Variants in RETREG1 observed in about 807,000 individuals in gnomAD.
RETREG1 encodes family with sequence similarity 134 member B.
In RETREG1, 44 loss-of-function variants were observed where a neutral mutation model predicts 54.8. The observed-to-expected ratio is 0.80, with a 90% CI of 0.63 to 1.03. The LOEUF is 1.03. Ranked by LOEUF, RETREG1 falls within the 50% of genes least tolerant of loss-of-function variation. The pLI, the probability that RETREG1 is intolerant of heterozygous loss-of-function variation, is 0.00. For missense variants in RETREG1, 554 were observed against 605.1 expected, an observed-to-expected ratio of 0.92 and a Z score of 0.89; for synonymous variants, 217 against 238.5, an observed-to-expected ratio of 0.91 and a Z score of 0.83.
At chr5:16,573,571 A>C (rs545120106) in intron 1 of RETREG1, among the ~76,000 whole-genome samples, 1 of 152,216 alleles carries the variant, frequency 6.6e-6, no homozygotes, top group Non-Finnish European at 1.5e-5. Flanking sequence ...TTGCTTTCTC[A>C]TCAGACAAAC....
chr5:16,512,731 G>T (rs769218158), intron 3 of RETREG1, among the ~76,000 whole-genome samples: 1 of 152,066 alleles, frequency 6.6e-6, no homozygotes, highest in Non-Finnish European at 1.5e-5. Context: ...GTGAAGACAG[G>T]TTGTCTCTTC....
At chr5:16,616,426 TG>T in intron 1 of RETREG1, 2 of 762,540 alleles carry the variant, frequency 2.6e-6, no homozygotes, top group Non-Finnish European at 3.9e-6. Flanking sequence ...CATCTGAGGC[TG>T]GATCCGCACA....
Position 16,478,092 on chromosome 5 carries a change from T to A in RETREG1, c.815A>T (p.Asp272Val). The A allele has an allele frequency of 6.2e-7, 1 of 1,609,370 alleles. No individual in the cohort carries two copies. Among genetic ancestry groups the A allele is most frequent in the Non-Finnish European group, 8.5e-7 (1 of 1,176,584 alleles). Residue 272 changes from aspartate (D) to valine (V), a missense_variant, in exon 7 of 9, where the codon GAC becomes GTC. Around this residue, in one of 4 missense-constraint regions of RETREG1, gnomAD observed 347 missense variants for 412.3 expected, o/e 0.84. Coordinates refer to ENST00000306320, the MANE Select transcript of RETREG1 (RefSeq NM_001034850.3). ...NQKKRERSEADKEKSHKDDSE... is the reference protein window; with the variant it reads ...NQKKRERSEAVKEKSHKDDSE... Reference sequence around the variant, plus strand: ...GTCATCTTTGTGACTTTTTTCTTTGTCTGCTTCTGTTGAGGAAAAAATTTG... The same window carrying A: ...GTCATCTTTGTGACTTTTTTCTTTGACTGCTTCTGTTGAGGAAAAAATTTG...
chr5:16,490,428 A>G (rs1194410647), intron 3 of RETREG1, among the ~76,000 whole-genome samples: 1 of 152,256 alleles, frequency 6.6e-6, no homozygotes, highest in Non-Finnish European at 1.5e-5. Context: ...TAGAAAGGAA[A>G]GATGCAATTA....
chr5:16,571,912 A>G, intron 2 of RETREG1, 84 bp downstream of exon 2: 1 of 969,962 alleles, frequency 1.0e-6, no homozygotes, highest in South Asian at 1.4e-5. Context: ...CAAAGGACTA[A>G]TTGGCTAATA....
chr5:16,546,910 C>T (rs926843096), intron 3 of RETREG1, among the ~76,000 whole-genome samples: 1 of 152,220 alleles, frequency 6.6e-6, no homozygotes, highest in African/African-American at 2.4e-5. Flanking sequence ...CAAATAGCAA[C>T]AGAATCTCTT....
intron 1 of RETREG1, among the ~76,000 whole-genome samples, chr5:16,599,427 A>G (rs1245103546): frequency 6.6e-6 from 1 of 152,196 alleles, no homozygotes; most frequent in Non-Finnish European, 1.5e-5. Context: ...CTGCACTTGG[A>G]TTGGATAGGA....
rs750575538 is a variant in RETREG1, at chr5:16,475,226, G to A, written c.1009C>T (p.Arg337Ter). Residue 337 changes from arginine (R) to a stop codon, truncating the protein, a stop_gained, in exon 9 of 9, where the codon CGA (arginine) becomes TGA (stop). Transcript: ENST00000306320. LOFTEE classifies it high-confidence loss of function. ...CTAGAGAAAACTTCCTCACTGGGTC[G>A]GTCAAGATCTGTGAAATGGATAACA... ...PQTDTSDDLDRPSEEVFSRDL... is the reference protein window; with the variant it reads ...PQTDTSDDLD 5 of 1,611,756 alleles carry A rather than the reference G, an allele frequency of 3.1e-6. No homozygotes were observed. The highest frequency in any genetic ancestry group is 3.3e-5 in the Admixed American group (2 of 59,886).
intron 3 of RETREG1, chr5:16,508,788 T>G: frequency 6.8e-7 from 1 of 1,475,612 alleles, no homozygotes; most frequent in Non-Finnish European, 9.0e-7. Context: ...ACTCAGAAAG[T>G]TGGTGTTTAC....
At chr5:16,558,367 C>T (rs1216645892) in intron 3 of RETREG1, among the ~76,000 whole-genome samples, 2 of 152,192 alleles carry the variant, frequency 1.3e-5, no homozygotes, top group African/African-American at 4.8e-5. Flanking sequence ...CAAGAAGGCC[C>T]TCAAAGATGC....
At chr5:16,563,080 C>T (rs1010403301) in intron 3 of RETREG1, among the ~76,000 whole-genome samples, 12 of 152,018 alleles carry the variant, frequency 7.9e-5, no homozygotes, top group African/African-American at 9.7e-5. Flanking sequence ...TTAAAAATAA[C>T]GCCTGTGTGA....
Position 16,566,384 on chromosome 5 carries a change from CATAT to C in RETREG1, c.428-595_428-592del, listed in dbSNP as rs56202478. Among the ~76,000 whole-genome samples the C allele has an allele frequency of 1.1e-3, 169 of 151,876 alleles. 1 individual carries two copies. The highest frequency in any genetic ancestry group is 3.8e-3 in the African/African-American group (158 of 41,400). On this transcript the variant is annotated intron_variant, in intron 2 of 8. Transcript: ENST00000306320. ...AAAACATAAAATACACACACACACA[CATAT>C]ATACATATGCACACCTAGATCTAAT...
intron 3 of RETREG1, among the ~76,000 whole-genome samples, chr5:16,521,011 G>A (rs1740518239): frequency 1.3e-5 from 2 of 152,138 alleles, no homozygotes; most frequent in Non-Finnish European, 2.9e-5. Flanking sequence ...CTCACCCAGG[G>A]CCACTGACTT....
At chr5:16,519,568 T>TG (rs981307725) in intron 3 of RETREG1, among the ~76,000 whole-genome samples, 12 of 152,322 alleles carry the variant, frequency 7.9e-5, no homozygotes, top group African/African-American at 2.9e-4. Flanking sequence ...GCTTAGTACA[T>TG]GGAGTGTTTT....
At chr5:16,506,984 T>A (rs1739984071) in intron 3 of RETREG1, among the ~76,000 whole-genome samples, 1 of 152,342 alleles carries the variant, frequency 6.6e-6, no homozygotes, top group African/African-American at 2.4e-5. Context: ...GTTATGTGAA[T>A]GTATAGCTAT....
intron 2 of RETREG1, among the ~76,000 whole-genome samples, chr5:16,570,283 A>G (rs979433708): frequency 1.3e-5 from 2 of 152,208 alleles, no homozygotes; most frequent in African/African-American, 4.8e-5. Context: ...GTTTCCTGCA[A>G]TTTGTGAGTA....
At chr5:16,499,361 T>C (rs574553697) in intron 3 of RETREG1, among the ~76,000 whole-genome samples, 19 of 152,360 alleles carry the variant, frequency 1.2e-4, no homozygotes, top group Non-Finnish European at 8.8e-5. Context: ...TCCAGAAACA[T>C]ATATGTGCCA....
chr5:16,594,545 C>A lies in RETREG1; in HGVS notation c.320+22107G>T, dbSNP rs1364789033. Among the ~76,000 whole-genome samples, 1 of 151,704 alleles carries A rather than the reference C, an allele frequency of 6.6e-6. No homozygotes were observed. Among genetic ancestry groups the A allele is most frequent in the African/African-American group, 2.4e-5 (1 of 41,282 alleles). ...ATCAAGACCAGCCTCACCAACATGG[C>A]AAAACCCCATCTCTACTAAAAATAC... On this transcript the variant is annotated intron_variant, in intron 1 of 8. Transcript: ENST00000306320. This position sits in a 1 kb window ranked among gnomAD's most constrained non-coding sequence, Gnocchi z 4.4.
At chr5:16,586,965 C>A (rs113911378) in intron 1 of RETREG1, among the ~76,000 whole-genome samples, 1 of 152,196 alleles carries the variant, frequency 6.6e-6, no homozygotes, top group African/African-American at 2.4e-5. Context: ...TCTCTGGGGT[C>A]TCTTTTAAAG....
Sources: gnomAD v4.1 joint callset for allele counts (sites outside exome capture counted in the v4.1 genomes callset) on GRCh38, gnomAD v4.1.1 for gene constraint, gnomAD v4.1.1 regional missense constraint, Gnocchi (gnomAD v3.1) non-coding constraint, MANE v1.5 for transcripts, NCBI Gene and HGNC (gene_info 2026-07-23, HGNC 2026-07-21) for gene names.